Variants in CLIP3 observed in about 807,000 individuals in gnomAD.
CLIP3 encodes CAP-Gly domain-containing linker protein 3.
Under a neutral mutation model 59.4 loss-of-function variants are expected in CLIP3, and 15 were observed. The observed-to-expected ratio is 0.25, with a 90% CI of 0.17 to 0.39. CLIP3 has a LOEUF of 0.39. CLIP3 is among the 10% of genes least tolerant of loss of function. The pLI, the probability that CLIP3 is intolerant of heterozygous loss-of-function variation, is 1.00. For missense variants in CLIP3, 495 were observed against 765.7 expected, an observed-to-expected ratio of 0.65 and a Z score of 4.17; for synonymous variants, 300 against 321.6, an observed-to-expected ratio of 0.93 and a Z score of 0.72.
chr19:36,017,847 C>T lies in CLIP3; in HGVS notation c.1327+1G>A. The T allele has an allele frequency of 6.2e-7, 1 of 1,614,158 alleles. No homozygotes were observed. Among genetic ancestry groups the T allele is most frequent in the Non-Finnish European group, 8.5e-7 (1 of 1,180,022 alleles). On this transcript the variant is annotated splice_donor_variant, in intron 10 of 13. Coordinates refer to ENST00000360535, the MANE Select transcript of CLIP3 (RefSeq NM_015526.3). LOFTEE classifies it high-confidence loss of function. ...TCCCGGCCCAGAGTCCCCATCCTCA[C>T]CTGGGGCAAAGTCTGTCTTCCCGTA...
chr19:36,017,877 C>T lies in CLIP3; in HGVS notation c.1298G>A (p.Arg433His), dbSNP rs370765485. 125 of 1,614,188 alleles carry T rather than the reference C, an allele frequency of 7.7e-5. 1 individual carries two copies. In the Middle Eastern group the frequency reaches 4.9e-3, roughly 64 times the overall value. ...LVAGQKQGIVRFYGKTDFAPG... is the reference protein window; with the variant it reads ...LVAGQKQGIVHFYGKTDFAPG... ...GGCAAAGTCTGTCTTCCCGTAGAAGCGCACGATCCCCTGCTTCTGGCCCGC... is the reference window on the plus strand; with the variant it reads ...GGCAAAGTCTGTCTTCCCGTAGAAGTGCACGATCCCCTGCTTCTGGCCCGC... Residue 433 changes from arginine to histidine, a missense_variant, in exon 10 of 14, where the codon CGC (arginine) becomes CAC (histidine). Coordinates refer to ENST00000360535, the MANE Select transcript of CLIP3 (RefSeq NM_015526.3).
intron 2 of CLIP3, among the ~76,000 whole-genome samples, chr19:36,029,905 C>T (rs926906893): frequency 6.6e-6 from 1 of 152,158 alleles, no homozygotes; most frequent in African/African-American, 2.4e-5. Flanking sequence ...TCCCGCTCTA[C>T]AAGCAAGACT....
chr19:36,028,998 T>C (rs1284343414), intron 2 of CLIP3, among the ~76,000 whole-genome samples: 2 of 62,898 alleles, frequency 3.2e-5, no homozygotes, highest in East Asian at 1.2e-3. Flanking sequence ...CTCCTACTCT[T>C]TTTTTTTTTT....
chr19:36,018,773 G>C lies in CLIP3; in HGVS notation c.1183+125C>G, dbSNP rs1285939037. On this transcript the variant is annotated intron_variant, in intron 9 of 13. Coordinates refer to ENST00000360535, the MANE Select transcript of CLIP3 (RefSeq NM_015526.3). ...AGGGGAAACTGAGTCACAGAAGTCA[G>C]GAACTCAGAGCTTGTCTTCCAAAAC... 3 of 1,312,140 alleles carry C rather than the reference G, an allele frequency of 2.3e-6. No individual in the cohort carries two copies. The African/African-American group carries it at 4.4e-5, about 19-fold the overall frequency. 81.3% of individuals were successfully genotyped at this position (1,312,140 alleles called of 1,614,324 possible).
At position 36,026,393 on chromosome 19, in the gene CLIP3, G is replaced by A; in HGVS notation, c.563-128C>T. 6 of 950,162 alleles carry A rather than the reference G, an allele frequency of 6.3e-6. No individual in the cohort carries two copies. Among genetic ancestry groups the A allele is most frequent in the East Asian group, 2.7e-5 (1 of 36,922 alleles). 58.9% of individuals were successfully genotyped at this position (950,162 alleles called of 1,614,324 possible). On this transcript the variant is annotated intron_variant, in intron 5 of 13. Coordinates refer to ENST00000360535, the MANE Select transcript of CLIP3 (RefSeq NM_015526.3). This position sits in a 1 kb window ranked among gnomAD's most constrained non-coding sequence, Gnocchi z 6.3. ...CGACGCAGAGCCCCGCCCCCACCTC[G>A]GAGCCCCCCTCTCCCTTGGCAGCCC...
At chr19:36,029,306 C>CAAAA (rs774000215) in intron 2 of CLIP3, among the ~76,000 whole-genome samples, 15,339 of 119,654 alleles carry the variant, frequency 0.13, 1,291 homozygotes, top group Middle Eastern at 0.24. Flanking sequence ...GAGTCCGTCT[C>CAAAA]AAAAAAAAAA....
chr19:36,026,168 G>T lies in CLIP3; in HGVS notation c.660C>A (p.His220Gln), dbSNP rs754913231. The change falls in exon 6 of 14, where the codon CAC (histidine) becomes CAA (glutamine). Residue 220 changes from histidine (H) to glutamine (Q), a missense_variant. By Grantham distance (24) the His-to-Gln change is conservative. This residue lies in a region of CLIP3 where 194 missense variants were observed against 327.8 expected (regional missense o/e 0.59). Transcript: ENST00000360535. The surrounding 1 kb of genome is among the most constrained non-coding windows in gnomAD (Gnocchi z 6.3). ...GTACCCTCAGCGCAGGGTTGGCGCCGTGCTCCAGCAAACATTTGGCGGCGC... is the reference window on the plus strand; with the variant it reads ...GTACCCTCAGCGCAGGGTTGGCGCCTTGCTCCAGCAAACATTTGGCGGCGC... ...CLGAAKCLLE[H>Q]GANPALRNRK... The T allele has an allele frequency of 3.1e-6, 5 of 1,613,722 alleles. No homozygotes were observed. The highest frequency in any genetic ancestry group is 1.3e-5 in the African/African-American group (1 of 75,026).
chr19:36,026,107 G>C lies in CLIP3; in HGVS notation c.681+40C>G. The C allele has an allele frequency of 6.7e-7, 1 of 1,487,132 alleles. No individual in the cohort carries two copies. The highest frequency in any genetic ancestry group is 2.3e-5 in the East Asian group (1 of 43,818). The allele number at this position is 1,487,132 out of a possible 1,614,324, so 92.1% of individuals were successfully genotyped here. On this transcript the variant is annotated intron_variant, in intron 6 of 13. Transcript: ENST00000360535. This position sits in a 1 kb window ranked among gnomAD's most constrained non-coding sequence, Gnocchi z 6.3. ...GCTGGAGGGAAGTGGGGGAGGAAGG[G>C]AGCAGGAGGGTAACGGGTTCTGGGC...
Position 36,024,518 on chromosome 19 carries a change from C to G in CLIP3, c.796G>C (p.Val266Leu). The G allele has an allele frequency of 6.2e-7, 1 of 1,614,262 alleles. No homozygotes were observed. Among genetic ancestry groups the G allele is most frequent in the Non-Finnish European group, 8.5e-7 (1 of 1,180,046 alleles). ...TTGGGGAGGGCGCAAGATAGTGGCACTGCCTCTTCCAGAAGCGTCCGCAGC... is the reference window on the plus strand; with the variant it reads ...TTGGGGAGGGCGCAAGATAGTGGCAGTGCCTCTTCCAGAAGCGTCCGCAGC... ...KELRTLLEEA[V>L]PLSCALPKVT... Residue 266 changes from valine to leucine, a missense_variant, in exon 7 of 14, where the codon GTG becomes CTG. Transcript: ENST00000360535.
At chr19:36,018,112 C>T in intron 9 of CLIP3, 121 bp from the exon 10 acceptor site, 1 of 1,150,896 alleles carries the variant, frequency 8.7e-7, no homozygotes. Context: ...AACTGAATCC[C>T]AGATGCCAGA....
Position 36,016,021 on chromosome 19 carries a change from A to G in CLIP3, c.*137T>C, listed in dbSNP as rs1193145694. ...AGTATCTGTTAATAATGGGGCCTCA[A>G]TGATCGAGGGCTGGCTAACAGGGGT... On this transcript the variant is annotated 3_prime_UTR_variant, in exon 14 of 14. Transcript: ENST00000360535. This position sits in a 1 kb window ranked among gnomAD's most constrained non-coding sequence, Gnocchi z 4.1. 1.7e-5 allele frequency: 14 copies of G among 843,250 alleles called. No individual in the cohort carries two copies. Among genetic ancestry groups the G allele is most frequent in the East Asian group, 2.7e-5 (1 of 37,616 alleles). The allele number at this position is 843,250 out of a possible 1,614,324, so 52.2% of individuals were successfully genotyped here. A position where few individuals can be genotyped will look rare whatever the true frequency, so the allele number is the denominator to read the frequency against.
chr19:36,027,996 C>T (rs957521408), intron 2 of CLIP3, among the ~76,000 whole-genome samples: 9 of 151,938 alleles, frequency 5.9e-5, no homozygotes, highest in Non-Finnish European at 8.8e-5. Context: ...TGCCACTACA[C>T]GCCAGCCTGG....
chr19:36,021,019 T>C (rs189200923), intron 7 of CLIP3, among the ~76,000 whole-genome samples: 10 of 152,018 alleles, frequency 6.6e-5, no homozygotes, highest in Admixed American at 3.9e-4. Context: ...AAAGCCTGGC[T>C]AATTAAAACA....
rs1163258126 is a variant in CLIP3, at chr19:36,026,016, T to C, written c.681+131A>G. The C allele has an allele frequency of 7.5e-6, 5 of 668,116 alleles. No individual in the cohort carries two copies. The highest frequency in any genetic ancestry group is 1.1e-5 in the Non-Finnish European group (4 of 367,050). The allele number at this position is 668,116 out of a possible 1,614,324, so 41.4% of individuals were successfully genotyped here. A position where few individuals can be genotyped will look rare whatever the true frequency, so the allele number is the denominator to read the frequency against. On this transcript the variant is annotated intron_variant, in intron 6 of 13. Coordinates refer to ENST00000360535, the MANE Select transcript of CLIP3 (RefSeq NM_015526.3). The surrounding 1 kb of genome is among the most constrained non-coding windows in gnomAD (Gnocchi z 6.3). ...AACACTAGGCATATTTCAGCTGTTA[T>C]TGCATTTGCTGAATGTACAGACGGC...
At chr19:36,029,533 C>T (rs892545162) in intron 2 of CLIP3, among the ~76,000 whole-genome samples, 1 of 151,724 alleles carries the variant, frequency 6.6e-6, no homozygotes, top group Non-Finnish European at 1.5e-5. Flanking sequence ...GATCCTCCCA[C>T]TTTGGCTTCC....
chr19:36,021,884 T>G (rs1046374213), intron 7 of CLIP3, among the ~76,000 whole-genome samples: 5 of 152,114 alleles, frequency 3.3e-5, no homozygotes, highest in Admixed American at 1.3e-4. Context: ...TTTTATTTAT[T>G]TATTTTTTTT....
chr19:36,028,996 C>CTTTTTTTTTTTTTT (rs71167588), intron 2 of CLIP3, among the ~76,000 whole-genome samples: 2 of 65,212 alleles, frequency 3.1e-5, no homozygotes, highest in African/African-American at 1.3e-4. Flanking sequence ...ATCTCCTACT[C>CTTTTTTTTTTTTTT]TTTTTTTTTT....
In CLIP3 at chr19:36,019,019, A is replaced by C; in HGVS notation, c.1062T>G (p.Phe354Leu). ...CCTTGGAGATCTTGGACACGGAGGCAAAGAGACCTAGGGGTACAGAATCCG... is the reference window on the plus strand; with the variant it reads ...CCTTGGAGATCTTGGACACGGAGGCCAAGAGACCTAGGGGTACAGAATCCG... ...YFICPPKQGL[F>L]ASVSKISKAV... The change falls in exon 9 of 14, where the codon TTT (phenylalanine) becomes TTG (leucine). Residue 354 changes from phenylalanine to leucine, a missense_variant. This residue lies in a region of CLIP3 where 194 missense variants were observed against 327.8 expected (regional missense o/e 0.59). Transcript: ENST00000360535. The C allele has an allele frequency of 6.3e-7, 1 of 1,588,774 alleles. No homozygotes were observed. The highest frequency in any genetic ancestry group is 8.6e-7 in the Non-Finnish European group (1 of 1,166,458).
At position 36,026,070 on chromosome 19, in the gene CLIP3, ACG is replaced by A; in HGVS notation, c.681+75_681+76del. 1.8e-6 allele frequency: 2 copies of A among 1,102,762 alleles called. No individual in the cohort carries two copies. Among genetic ancestry groups the A allele is most frequent in the East Asian group, 4.8e-5 (2 of 41,892 alleles). The allele number at this position is 1,102,762 out of a possible 1,614,324, so 68.3% of individuals were successfully genotyped here. A position where few individuals can be genotyped will look rare whatever the true frequency, so the allele number is the denominator to read the frequency against. On this transcript the variant is annotated intron_variant, in intron 6 of 13. Transcript: ENST00000360535. This position sits in a 1 kb window ranked among gnomAD's most constrained non-coding sequence, Gnocchi z 6.3. ...TGTAGTATTTGGGGAGTCACGGGAA[ACG>A]CAGAGACCTGCTGGAGGGAAGTGGG...
Sources: gnomAD v4.1 joint callset for allele counts (sites outside exome capture counted in the v4.1 genomes callset) on GRCh38, gnomAD v4.1.1 for gene constraint, gnomAD v4.1.1 regional missense constraint, Gnocchi (gnomAD v3.1) non-coding constraint, MANE v1.5 for transcripts, NCBI Gene and HGNC (gene_info 2026-07-23, HGNC 2026-07-21) for gene names.